Variants in SP3 observed in about 807,000 individuals in gnomAD.
SP3 encodes the protein Sp3 transcription factor, also known as transcription factor Sp3.
SP3 carries 10 observed loss-of-function variants against 70.3 expected under a neutral mutation model. That is an observed-to-expected ratio of 0.14 (90% CI 0.09 to 0.24). The LOEUF (loss-of-function observed/expected upper bound fraction) is 0.24. SP3 is among the 10% of genes least tolerant of loss of function. The pLI is 1.00. For missense variants in SP3, 825 were observed against 914.6 expected (o/e 0.90, Z 1.26); for synonymous variants, 402 against 333.5 (o/e 1.21, Z -2.24).
At chr2:173,949,681 C>G (rs981221167) in intron 4 of SP3, among the ~76,000 whole-genome samples, 2 of 151,886 alleles carry the variant, frequency 1.3e-5, no homozygotes, top group Non-Finnish European at 2.9e-5. Flanking sequence ...AAAAGCCTGC[C>G]TTTTATAAGG....
At chr2:173,964,830 C>T (rs950427752) in intron 1 of SP3, 2 of 480,152 alleles carry the variant, frequency 4.2e-6, no homozygotes, top group Non-Finnish European at 7.2e-6. Flanking sequence ...TCCCCTTTCC[C>T]TTCGCGCCGC....
chr2:173,923,294 G>GA (rs770296718), intron 4 of SP3, among the ~76,000 whole-genome samples: 168 of 148,816 alleles, frequency 1.1e-3, no homozygotes, highest in Non-Finnish European at 1.5e-3. Flanking sequence ...ATGTACAAAA[G>GA]AAAAAAAAAT....
At chr2:173,948,303 A>C (rs547664681) in intron 4 of SP3, among the ~76,000 whole-genome samples, 1 of 152,298 alleles carries the variant, frequency 6.6e-6, no homozygotes, top group Non-Finnish European at 1.5e-5. Flanking sequence ...TCCAGAAATA[A>C]AGACTTCGCA....
chr2:173,963,550 G>C (rs989929095), intron 3 of SP3, among the ~76,000 whole-genome samples: 1 of 152,144 alleles, frequency 6.6e-6, no homozygotes, highest in Non-Finnish European at 1.5e-5. Flanking sequence ...GATTTTGCGC[G>C]AGGTGCTGCA....
rs1691223878 is a variant in SP3, at chr2:173,964,562, AC to A, written c.8-10del. ...CACGGGCTTTTCGGGAGCTGCAGGC[AC>A]AGCGCGGGGGGGTGGGGGTGGGGAG... On this transcript the variant is annotated splice_polypyrimidine_tract_variant and intron_variant, in intron 1 of 6. Coordinates refer to ENST00000310015, the MANE Select transcript of SP3 (RefSeq NM_003111.5). 2.1e-6 allele frequency: 1 copy of A among 468,676 alleles called. No homozygotes were observed. Among genetic ancestry groups the A allele is most frequent in the Non-Finnish European group, 4.3e-6 (1 of 234,564 alleles). 29.0% of individuals were successfully genotyped at this position (468,676 alleles called of 1,614,324 possible).
intron 4 of SP3, among the ~76,000 whole-genome samples, chr2:173,932,900 G>A (rs1272018129): frequency 6.6e-6 from 1 of 152,130 alleles, no homozygotes; most frequent in Non-Finnish European, 1.5e-5. Context: ...GCTGAGGCAG[G>A]AGAATGGCCT....
At chr2:173,952,383 T>C (rs1690734378) in intron 4 of SP3, among the ~76,000 whole-genome samples, 1 of 152,150 alleles carries the variant, frequency 6.6e-6, no homozygotes, top group Non-Finnish European at 1.5e-5. Flanking sequence ...CATAAAAAGA[T>C]ACCACTTCAC....
chr2:173,964,703 CGG>C, intron 1 of SP3, 150 bp from the exon 2 acceptor site: 1 of 356,398 alleles, frequency 2.8e-6, no homozygotes. Context: ...GCGGCGGCGG[CGG>C]CTCCCTCCTC....
chr2:173,901,220 A>C lies in SP3; in HGVS notation c.*8721T>G, dbSNP rs1236505806. ...GATAAATAGAAAGGCAAAATCATAA[A>C]ATTTTTAGACAAAAATTTTTATGAC... is the stretch of plus-strand genomic sequence containing the variant. On this transcript the variant is annotated 3_prime_UTR_variant, in exon 7 of 7. Coordinates refer to ENST00000310015, the MANE Select transcript of SP3 (RefSeq NM_003111.5). Among the ~76,000 whole-genome samples, 1 of 151,952 alleles carries C rather than the reference A, an allele frequency of 6.6e-6. No individual in the cohort carries two copies. The highest frequency in any genetic ancestry group is 1.5e-5 in the Non-Finnish European group (1 of 67,996).
intron 4 of SP3, among the ~76,000 whole-genome samples, chr2:173,951,191 G>A (rs1028579871): frequency 6.6e-6 from 1 of 152,066 alleles, no homozygotes; most frequent in Non-Finnish European, 1.5e-5. Flanking sequence ...CCTATAGAAC[G>A]CTGTAACATT....
intron 2 of SP3, 79 bp downstream of exon 2, chr2:173,964,307 ACGAGGAGGGAGGGGTGAGG>A (rs1173294317): frequency 5.3e-5 from 29 of 547,856 alleles, no homozygotes; most frequent in Admixed American, 1.5e-4. Flanking sequence ...GAGGGGAGAG[ACGAGGAGGGAGGGGTGAGG>A]CGAGGAGGGA....
At chr2:173,926,606 C>G (rs893828427) in intron 4 of SP3, among the ~76,000 whole-genome samples, 15 of 152,080 alleles carry the variant, frequency 9.9e-5, no homozygotes, top group Non-Finnish European at 2.1e-4. Context: ...TGAGACTGGC[C>G]TGGGCAACAC....
In SP3 at chr2:173,913,055, G is replaced by A. The variant is rs369591284; in HGVS notation, c.2029+15C>T. 143 of 1,532,662 alleles carry A rather than the reference G, an allele frequency of 9.3e-5. No individual in the cohort carries two copies. The Middle Eastern group carries it at 1.1e-3, about 11-fold the overall frequency. 94.9% of individuals were successfully genotyped at this position (1,532,662 alleles called of 1,614,324 possible). On this transcript the variant is annotated intron_variant, in intron 6 of 6. Transcript: ENST00000310015. ...TATAATTCATTTTTGTCTGTTAAAA[G>A]TAAGTATTAGTAACCTGTATGTGTT...
In SP3 at chr2:173,906,278, T is replaced by C. The variant is rs577691703; in HGVS notation, c.*3663A>G. 6.6e-6 allele frequency among the ~76,000 whole-genome samples: 1 copy of C among 152,324 alleles called. No individual in the cohort carries two copies. Among genetic ancestry groups the C allele is most frequent in the East Asian group, 1.9e-4 (1 of 5,186 alleles). On this transcript the variant is annotated 3_prime_UTR_variant, in exon 7 of 7. Transcript: ENST00000310015. ...CAGTACTTTGTTTCTGCCACTAATA[T>C]ATATATTTACATTATACGCAAATCT... is the stretch of plus-strand genomic sequence containing the variant.
rs549441888 is a variant in SP3, at chr2:173,954,719, C to T, written c.1639+154G>A. ...CTTTCAAAGAATAATTTGGAAGATA[C>T]TTTGATGTCTACTTTCATACAAACA... On this transcript the variant is annotated intron_variant, in intron 4 of 6. Coordinates refer to ENST00000310015, the MANE Select transcript of SP3 (RefSeq NM_003111.5). Among the ~76,000 whole-genome samples, 24 of 152,318 alleles carry T rather than the reference C, an allele frequency of 1.6e-4. No homozygotes were observed. In the South Asian group the frequency reaches 4.8e-3, roughly 30 times the overall value.
intron 4 of SP3, among the ~76,000 whole-genome samples, chr2:173,940,039 A>G (rs903787887): frequency 4.0e-5 from 6 of 151,832 alleles, no homozygotes; most frequent in Non-Finnish European, 7.4e-5. Context: ...GTGACCAGCT[A>G]ATTTTTTTTT....
At chr2:173,917,095 T>C (rs1277742952) in intron 5 of SP3, among the ~76,000 whole-genome samples, 2 of 152,122 alleles carry the variant, frequency 1.3e-5, no homozygotes, top group Admixed American at 6.6e-5. Flanking sequence ...AAATGTCCTA[T>C]GTGTCTACAT....
intron 4 of SP3, among the ~76,000 whole-genome samples, chr2:173,934,640 A>T (rs1349304309): frequency 6.6e-6 from 1 of 152,078 alleles, no homozygotes; most frequent in Non-Finnish European, 1.5e-5. Context: ...AGACAGGAGG[A>T]TTACCCAAGG....
At chr2:173,934,633 CAGG>C (rs551607421) in intron 4 of SP3, among the ~76,000 whole-genome samples, 231 of 152,000 alleles carry the variant, frequency 1.5e-3, no homozygotes, top group African/African-American at 5.2e-3. Flanking sequence ...AGGAGGGAGA[CAGG>C]AGGATTACCC....
Sources: gnomAD v4.1 joint callset for allele counts (sites outside exome capture counted in the v4.1 genomes callset) on GRCh38, gnomAD v4.1.1 for gene constraint, MANE v1.5 for transcripts, NCBI Gene and HGNC (gene_info 2026-07-23, HGNC 2026-07-21) for gene names.